The following MAP2K1 variants were observed in gnomAD, a reference collection of about 807,000 sequenced individuals.
The protein encoded by MAP2K1 is mitogen-activated protein kinase kinase 1, also known as dual specificity mitogen-activated protein kinase kinase 1.
In MAP2K1, 16 loss-of-function variants were observed where a neutral mutation model predicts 46.3. The observed-to-expected ratio is 0.35, with a 90% confidence interval of 0.23 to 0.52. The LOEUF is 0.52. Among genes scored for constraint, MAP2K1 ranks in the 20% least tolerant of loss-of-function variants. MAP2K1 has a pLI of 0.94. For missense variants in MAP2K1, 263 were observed against 497.1 expected, an observed-to-expected ratio of 0.53 and a Z score of 4.48; for synonymous variants, 183 against 185.6, an observed-to-expected ratio of 0.99 and a Z score of 0.11.
intron 1 of MAP2K1, among the ~76,000 whole-genome samples, chr15:66,412,362 G>A (rs755653816): frequency 2.6e-5 from 4 of 152,156 alleles, no homozygotes; most frequent in African/African-American, 9.7e-5. Context: ...TAATGAAAAC[G>A]TTAAGCATCT....
At chr15:66,414,703 C>T (rs1218797618) in intron 1 of MAP2K1, among the ~76,000 whole-genome samples, 1 of 151,926 alleles carries the variant, frequency 6.6e-6, no homozygotes, top group Admixed American at 6.5e-5. Flanking sequence ...GCAGGTTAGG[C>T]TGTATTACAT....
Position 66,435,334 on chromosome 15 carries a change from C to G in MAP2K1, c.291+97C>G, listed in dbSNP as rs1361711784. 3 of 950,332 alleles carry G rather than the reference C, an allele frequency of 3.2e-6. No individual in the cohort carries two copies. In the African/African-American group the frequency reaches 5.3e-5, roughly 17 times the overall value. The allele number at this position is 950,332 out of a possible 1,614,324, so 58.9% of individuals were successfully genotyped here. ...AAGGAAGACTGATTTTACTCAATACCTTTTTGTGCTGTTTGAATTTTTTTT... is the reference window on the plus strand; with the variant it reads ...AAGGAAGACTGATTTTACTCAATACGTTTTTGTGCTGTTTGAATTTTTTTT... On this transcript the variant is annotated intron_variant, in intron 2 of 10. Transcript: ENST00000307102.
intron 8 of MAP2K1, chr15:66,488,632 G>T (rs1315285618): frequency 5.4e-6 from 1 of 186,150 alleles, no homozygotes; most frequent in Admixed American, 5.4e-5. Flanking sequence ...GAATGTACAG[G>T]TAACATTCTT....
intron 5 of MAP2K1, among the ~76,000 whole-genome samples, chr15:66,474,184 AAAG>A (rs1448116417): frequency 2.0e-5 from 3 of 152,126 alleles, no homozygotes; most frequent in African/African-American, 7.2e-5. Flanking sequence ...GGAAGGAAGA[AAAG>A]AAACTTAAAA....
At chr15:66,403,334 C>T (rs553657216) in intron 1 of MAP2K1, among the ~76,000 whole-genome samples, 1 of 152,216 alleles carries the variant, frequency 6.6e-6, no homozygotes, top group South Asian at 2.1e-4. Context: ...TATATCCTCA[C>T]TCTCCTAGGT....
At chr15:66,423,232 A>G (rs866620232) in intron 1 of MAP2K1, among the ~76,000 whole-genome samples, 2 of 152,034 alleles carry the variant, frequency 1.3e-5, no homozygotes, top group Non-Finnish European at 2.9e-5. Flanking sequence ...ATTTGATTCT[A>G]TTTTTAGTTT....
At chr15:66,394,728 A>G (rs2093363756) in intron 1 of MAP2K1, among the ~76,000 whole-genome samples, 1 of 152,180 alleles carries the variant, frequency 6.6e-6, no homozygotes, top group Non-Finnish European at 1.5e-5. Context: ...CTGGGTTTAC[A>G]GGCATGAGCC....
At chr15:66,463,596 C>T (rs568310744) in intron 5 of MAP2K1, among the ~76,000 whole-genome samples, 88 of 152,334 alleles carry the variant, frequency 5.8e-4, no homozygotes, top group African/African-American at 1.8e-3. Flanking sequence ...GATTCTCCTG[C>T]GTCAGCCTCC....
chr15:66,480,630 G>A lies in MAP2K1; in HGVS notation c.569-1125G>A, dbSNP rs138110113. Among the ~76,000 whole-genome samples, 438 of 152,198 alleles carry A rather than the reference G, an allele frequency of 2.9e-3. 3 individuals are homozygous for A. Among genetic ancestry groups the A allele is most frequent in the African/African-American group, 0.01 (425 of 41,524 alleles). ...GTATCGAAGAGAAAAATAATGAAAC[G>A]TTATTAGTGGCTCTGCTGGGTTGTA... is the stretch of plus-strand genomic sequence containing the variant. On this transcript the variant is annotated intron_variant, in intron 5 of 10. Transcript: ENST00000307102.
At position 66,490,667 on chromosome 15, in the gene MAP2K1, C is replaced by T. The variant is rs372452427; in HGVS notation, c.*52C>T. 70 of 1,357,126 alleles carry T rather than the reference C, an allele frequency of 5.2e-5. No homozygotes were observed. Among genetic ancestry groups the T allele is most frequent in the South Asian group, 4.2e-4 (36 of 85,948 alleles). The allele number at this position is 1,357,126 out of a possible 1,614,324, so 84.1% of individuals were successfully genotyped here. On this transcript the variant is annotated 3_prime_UTR_variant, in exon 11 of 11. Transcript: ENST00000307102. ...TCCCCTGCCCGGTGGTTTGCCATGT[C>T]GCTTTTGGGCCTCCTTCCCATGCCT...
chr15:66,389,389 G>A (rs2093351494), intron 1 of MAP2K1, among the ~76,000 whole-genome samples: 1 of 152,058 alleles, frequency 6.6e-6, no homozygotes, highest in African/African-American at 2.4e-5. Context: ...TGTTGTAATC[G>A]TGATACCACA....
chr15:66,415,088 A>G (rs538215548), intron 1 of MAP2K1: 2 of 513,328 alleles, frequency 3.9e-6, no homozygotes, highest in East Asian at 5.4e-5. Flanking sequence ...CCTCTTCAAA[A>G]TGCTCCGGTA....
chr15:66,448,582 T>C (rs764071844), intron 5 of MAP2K1, among the ~76,000 whole-genome samples: 26 of 152,210 alleles, frequency 1.7e-4, no homozygotes, highest in Non-Finnish European at 2.5e-4. Flanking sequence ...TCTCAAAATA[T>C]TGAAAGATTT....
At chr15:66,436,725 C>A in intron 2 of MAP2K1, 21 bp from the exon 3 acceptor site, 2 of 1,613,496 alleles carry the variant, frequency 1.2e-6, no homozygotes, top group Non-Finnish European at 1.7e-6. Context: ...TAAAACCTCT[C>A]TTTCTTCCAC....
At chr15:66,466,104 C>A (rs1013154302) in intron 5 of MAP2K1, among the ~76,000 whole-genome samples, 3 of 151,284 alleles carry the variant, frequency 2.0e-5, no homozygotes, top group African/African-American at 7.3e-5. Flanking sequence ...ACTGTGTAGA[C>A]AAGGTATGAG....
intron 1 of MAP2K1, among the ~76,000 whole-genome samples, chr15:66,434,565 A>G (rs1431900718): frequency 6.6e-6 from 1 of 152,180 alleles, no homozygotes; most frequent in African/African-American, 2.4e-5. Flanking sequence ...TACATTGAAA[A>G]TGAGGATTTC....
At chr15:66,443,463 T>A in intron 4 of MAP2K1, 106 bp downstream of exon 4, 1 of 758,170 alleles carries the variant, frequency 1.3e-6, no homozygotes, top group Non-Finnish European at 2.4e-6. Flanking sequence ...GGGGAAAGTT[T>A]ATAAGAAAAG....
At chr15:66,436,667 A>T (rs542046069) in intron 2 of MAP2K1, 79 bp from the exon 3 acceptor site, 1 of 1,391,340 alleles carries the variant, frequency 7.2e-7, no homozygotes, top group Non-Finnish European at 1.0e-6. Flanking sequence ...AAGAGCTTAA[A>T]CATTTAACAA....
chr15:66,407,173 T>G (rs2140532503), intron 1 of MAP2K1, among the ~76,000 whole-genome samples: 1 of 152,140 alleles, frequency 6.6e-6, no homozygotes, highest in East Asian at 1.9e-4. Context: ...GGGAATAGGC[T>G]TCTGAGAGTT....
Sources: allele counts gnomAD v4.1 joint callset (sites outside exome capture counted in the v4.1 genomes callset), GRCh38; gene constraint gnomAD v4.1.1; transcripts MANE v1.5; gene names NCBI Gene and HGNC (gene_info 2026-07-23, HGNC 2026-07-21).